EMID1: variants seen among roughly 807,000 people sequenced by gnomAD.
The protein encoded by EMID1 is EMI domain-containing protein 1.
A neutral mutation model predicts 60.6 loss-of-function variants in EMID1; 40 were observed. The ratio of observed to expected loss-of-function variants is 0.66; its 90% CI spans 0.51 to 0.86. The LOEUF (loss-of-function observed/expected upper bound fraction) is 0.86, where lower values mean the gene tolerates loss of function less well. EMID1 is among the 40% of genes least tolerant of loss of function. The pLI is 0.00. For synonymous variants in EMID1, 242 were observed against 231.0 expected, an observed-to-expected ratio of 1.05 and a Z score of -0.43; for missense variants, 585 against 597.1, an observed-to-expected ratio of 0.98 and a Z score of 0.21.
At chr22:29,246,505 C>T (rs1225360574) in intron 13 of EMID1, among the ~76,000 whole-genome samples, 3 of 152,104 alleles carry the variant, frequency 2.0e-5, no homozygotes, top group South Asian at 2.1e-4. Context: ...AGACAGCCGT[C>T]GATGGAGCAA....
intron 14 of EMID1, chr22:29,255,214 CAG>C: frequency 6.7e-5 from 77 of 1,154,666 alleles, no homozygotes; most frequent in Non-Finnish European, 8.5e-5. Flanking sequence ...CTTGGCTCCC[CAG>C]CCCAGCCCTC....
rs546220988 is a variant in EMID1 at position 29,232,542 on chromosome 22, C to T, written c.823+140C>T. The T allele has an allele frequency of 1.4e-3, 1,357 of 966,200 alleles. 22 individuals are homozygous for T. In the South Asian group the frequency reaches 0.017, roughly 12 times the overall value. 59.9% of individuals were successfully genotyped at this position (966,200 alleles called of 1,614,324 possible). On this transcript the variant is annotated intron_variant, in intron 8 of 14. Transcript: ENST00000334018. ...ACATGTGACCCAGTCCTCCAGCAGG[C>T]GCCGTTGTCCTCCTGTGGTTACAGG...
rs145309571 is a variant in EMID1, at chr22:29,233,444, C to A, written c.889C>A (p.Pro297Thr). The change falls in exon 9 of 15, where the codon CCT becomes ACT. Residue 297 changes from proline (P) to threonine (T), a missense_variant. By Grantham distance (38) the Pro-to-Thr change is conservative. Coordinates refer to ENST00000334018, the MANE Select transcript of EMID1 (RefSeq NM_133455.4). The part of the protein sequence containing the change: ...NNHWPQGPTG[P>T]PGPPGPMGPP... ...CCACTGGCCCCAGGGACCCACTGGGCCTCCAGGCCCTCCAGGGCCCATGGG... is the reference window on the plus strand; with the variant it reads ...CCACTGGCCCCAGGGACCCACTGGGACTCCAGGCCCTCCAGGGCCCATGGG... 983 of 1,614,208 alleles carry A rather than the reference C, an allele frequency of 6.1e-4. 7 individuals are homozygous for A. In the African/African-American group the frequency reaches 0.011, roughly 18 times the overall value.
At chr22:29,217,151 C>G (rs894720120) in intron 3 of EMID1, among the ~76,000 whole-genome samples, 9 of 152,342 alleles carry the variant, frequency 5.9e-5, no homozygotes, top group Admixed American at 5.9e-4. Context: ...GCCATTCTGT[C>G]CCTGGCTCCC....
chr22:29,219,564 G>C (rs1262209449), intron 3 of EMID1, among the ~76,000 whole-genome samples: 1 of 152,110 alleles, frequency 6.6e-6, no homozygotes, highest in Non-Finnish European at 1.5e-5. Context: ...AGGATTGCTT[G>C]AGGCCAGAAG....
In EMID1 at chr22:29,237,625, C is replaced by T. The variant is rs1024371533; in HGVS notation, c.1074+3276C>T. ...CATCCTGGTGAACACGGTGAAACCC[C>T]GTCTCTACTAAAAATACAAAAAAAA... On this transcript the variant is annotated intron_variant, in intron 12 of 14. Transcript: ENST00000334018. 4.9e-5 allele frequency among the ~76,000 whole-genome samples: 7 copies of T among 143,022 alleles called. 2 individuals are homozygous for T. The highest frequency in any genetic ancestry group is 4.5e-4 in the South Asian group (2 of 4,396). 93.8% of individuals were successfully genotyped at this position (143,022 alleles called of 152,430 possible). A position where few individuals can be genotyped will look rare whatever the true frequency, so the allele number is the denominator to read the frequency against.
At position 29,254,303 on chromosome 22, in the gene EMID1, C is replaced by T. The variant is rs199962414; in HGVS notation, c.1204+16C>T. 18 of 1,609,350 alleles carry T rather than the reference C, an allele frequency of 1.1e-5. No individual in the cohort carries two copies. Among genetic ancestry groups the T allele is most frequent in the African/African-American group, 4.0e-5 (3 of 74,832 alleles). On this transcript the variant is annotated intron_variant, in intron 14 of 14. Coordinates refer to ENST00000334018, the MANE Select transcript of EMID1 (RefSeq NM_133455.4). ...GGGCTCTATGGTGAGTAGAGACAGA[C>T]AGACGGACAGACGGCCCAGCCCCTG...
intron 13 of EMID1, among the ~76,000 whole-genome samples, chr22:29,249,587 ATTATTTATTTATTTATTTAT>A (rs140494856): frequency 2.9e-5 from 4 of 139,502 alleles, no homozygotes; most frequent in Non-Finnish European, 3.1e-5. Context: ...AAATACCTTT[ATTATTTATTTATTTATTTAT>A]TTATTTATTT....
chr22:29,257,834 C>T (rs1467743016), intron 14 of EMID1, among the ~76,000 whole-genome samples: 1 of 152,188 alleles, frequency 6.6e-6, no homozygotes. Flanking sequence ...TGGGACCAAG[C>T]CATGATCCCA....
chr22:29,231,703 C>G (rs745473036), intron 7 of EMID1, 21 bp downstream of exon 7: 10 of 1,440,864 alleles, frequency 6.9e-6, no homozygotes, highest in Non-Finnish European at 9.1e-7. Context: ...GCAATGCTGC[C>G]CCACAGCTCC....
chr22:29,216,264 C>T, intron 3 of EMID1: 1 of 980,960 alleles, frequency 1.0e-6, no homozygotes, highest in Non-Finnish European at 1.2e-6. Context: ...AGGAGGCAGC[C>T]TGGGCCTCCC....
intron 3 of EMID1, chr22:29,216,339 T>C: frequency 1.0e-6 from 1 of 985,440 alleles, no homozygotes; most frequent in Non-Finnish European, 1.2e-6. Context: ...GCCCCTCTGC[T>C]GAGCAGCCCA....
intron 2 of EMID1, chr22:29,215,297 C>G: frequency 1.0e-6 from 1 of 982,394 alleles, no homozygotes. Context: ...CTCAGGCCAG[C>G]CCAGCCTGCA....
At chr22:29,218,709 C>G (rs1022932315) in intron 3 of EMID1, among the ~76,000 whole-genome samples, 5 of 152,366 alleles carry the variant, frequency 3.3e-5, no homozygotes, top group Admixed American at 2.6e-4. Context: ...CCACAATCAC[C>G]TTTTCTGGGC....
rs1160217299 is a variant in EMID1 at position 29,205,957 on chromosome 22, G to C, written c.-82G>C. 7 of 867,156 alleles carry C rather than the reference G, an allele frequency of 8.1e-6. No individual in the cohort carries two copies. The East Asian group carries it at 4.8e-4, about 59-fold the overall frequency. The allele number at this position is 867,156 out of a possible 1,614,324, so 53.7% of individuals were successfully genotyped here. On this transcript the variant is annotated 5_prime_UTR_variant, in exon 1 of 15. Transcript: ENST00000334018. Reference sequence around the variant, plus strand: ...CGGGCTCCGCGCGTCCGGGGCGGCTGGCGGCGCGGGCAGGCAGGCGGGGAG... The same window carrying C: ...CGGGCTCCGCGCGTCCGGGGCGGCTCGCGGCGCGGGCAGGCAGGCGGGGAG...
intron 1 of EMID1, among the ~76,000 whole-genome samples, chr22:29,213,253 T>A (rs2039961323): frequency 6.6e-6 from 1 of 152,184 alleles, no homozygotes; most frequent in Non-Finnish European, 1.5e-5. Flanking sequence ...GTTTCCCATG[T>A]CCGGTGGCTC....
chr22:29,246,894 C>T (rs1208384016), intron 13 of EMID1, among the ~76,000 whole-genome samples: 1 of 152,160 alleles, frequency 6.6e-6, no homozygotes, highest in Non-Finnish European at 1.5e-5. Flanking sequence ...CTCAAGTGAT[C>T]CTCCTACCTC....
At chr22:29,223,940 G>A (rs2040397556) in intron 3 of EMID1, among the ~76,000 whole-genome samples, 1 of 152,212 alleles carries the variant, frequency 6.6e-6, no homozygotes, top group Admixed American at 6.5e-5. Context: ...GCTATACAAG[G>A]TCCTTCACAT....
Position 29,249,671 on chromosome 22 carries a change from A to G in EMID1, c.1120-4532A>G, listed in dbSNP as rs138654407. On this transcript the variant is annotated intron_variant, in intron 13 of 14. Transcript: ENST00000334018. ...CTCTTGTTGCCCAGGCTGGAGGGCA[A>G]TGGTGCAATCTCTGCTCACTGCAAC... 1.2e-3 allele frequency among the ~76,000 whole-genome samples: 182 copies of G among 151,620 alleles called. 1 individual carries two copies. Among genetic ancestry groups the G allele is most frequent in the African/African-American group, 3.8e-3 (158 of 41,258 alleles).
Sources: allele counts gnomAD v4.1 joint callset (sites outside exome capture counted in the v4.1 genomes callset), GRCh38; gene constraint gnomAD v4.1.1; transcripts MANE v1.5; gene names NCBI Gene and HGNC (gene_info 2026-07-23, HGNC 2026-07-21).